PTAR1: variants seen among roughly 807,000 people sequenced by gnomAD.
PTAR1 encodes protein prenyltransferase alpha subunit repeat-containing protein 1.
In PTAR1, 17 loss-of-function variants were observed where a neutral mutation model predicts 45.5. The observed-to-expected ratio is 0.37, with a 90% confidence interval of 0.26 to 0.56. The LOEUF (loss-of-function observed/expected upper bound fraction) is 0.56, where lower values mean the gene tolerates loss of function less well. Among genes scored for constraint, PTAR1 ranks in the 20% least tolerant of loss-of-function variants. PTAR1 has a pLI of 0.77. For missense variants in PTAR1, 391 were observed against 476.3 expected (o/e 0.82, Z 1.67); for synonymous variants, 169 against 171.3 (o/e 0.99, Z 0.11).
Position 69,715,396 on chromosome 9 carries a change from G to T in PTAR1, c.*2946C>A, listed in dbSNP as rs1231585931. The T allele has an allele frequency of 6.6e-6, 1 of 151,930 alleles. No individual in the cohort carries two copies. Among genetic ancestry groups the T allele is most frequent in the Admixed American group, 6.6e-5 (1 of 15,228 alleles). 9.4% of individuals were successfully genotyped at this position (151,930 alleles called of 1,614,324 possible). On this transcript the variant is annotated 3_prime_UTR_variant, in exon 8 of 8. Coordinates refer to ENST00000340434, the MANE Select transcript of PTAR1 (RefSeq NM_001099666.2). The stretch of plus-strand genomic sequence containing the variant: ...CATTAATTTAATAAATATTTAATGA[G>T]TCCTCACAATGTGCAGGGCACAAGT...
chr9:69,728,768 T>C (rs536806219), intron 5 of PTAR1, among the ~76,000 whole-genome samples: 3 of 152,342 alleles, frequency 2.0e-5, no homozygotes, highest in South Asian at 2.1e-4. Flanking sequence ...TATTTAAGCA[T>C]GCAGACATCA....
chr9:69,724,585 G>A (rs73647272), intron 5 of PTAR1, among the ~76,000 whole-genome samples: 4,757 of 151,718 alleles, frequency 0.031, 249 homozygotes, highest in African/African-American at 0.11. Context: ...GCCTTCTCCT[G>A]TACCATGATC....
At chr9:69,719,964 C>G (rs1824914324) in intron 6 of PTAR1, among the ~76,000 whole-genome samples, 1 of 152,286 alleles carries the variant, frequency 6.6e-6, no homozygotes, top group Middle Eastern at 3.4e-3. Context: ...CCAACCAGCT[C>G]TTCCCCCATC....
rs1257736840 is a variant in PTAR1 at position 69,713,161 on chromosome 9, C to T, written c.*5181G>A. ...TATATAGCTAATATTCTTGGAAGCA[C>T]AAGGTTTCATCAGCAGACTAAACTA... On this transcript the variant is annotated 3_prime_UTR_variant, in exon 8 of 8. Coordinates refer to ENST00000340434, the MANE Select transcript of PTAR1 (RefSeq NM_001099666.2). The T allele has an allele frequency of 6.6e-6, 1 of 152,062 alleles. No homozygotes were observed. The allele number at this position is 152,062 out of a possible 1,614,324, so 9.4% of individuals were successfully genotyped here.
Position 69,718,534 on chromosome 9 carries a change from A to C in PTAR1, c.1017T>G (p.Asp339Glu), listed in dbSNP as rs776629685. 2 of 1,613,730 alleles carry C rather than the reference A, an allele frequency of 1.2e-6. No individual in the cohort carries two copies. Among genetic ancestry groups the C allele is most frequent in the East Asian group, 4.5e-5 (2 of 44,870 alleles). The change falls in exon 8 of 8, where the codon GAT becomes GAG. Residue 339 changes from aspartate to glutamate, a missense_variant. Around this residue, in one of 5 missense-constraint regions of PTAR1, gnomAD observed 181 missense variants for 227.7 expected, o/e 0.80. Coordinates refer to ENST00000340434, the MANE Select transcript of PTAR1 (RefSeq NM_001099666.2). ...CTTGCTTGCTAGAGTCATTCAGTCC[A>C]TCTACTTCCATTGCTTGAGACAGCT... Reference protein sequence around the residue: ...GSQLSQAMEVDGLNDSSKQGY... With the variant: ...GSQLSQAMEVEGLNDSSKQGY...
chr9:69,735,883 T>C (rs1463341190), intron 3 of PTAR1, among the ~76,000 whole-genome samples: 1 of 150,824 alleles, frequency 6.6e-6, no homozygotes, highest in Admixed American at 6.6e-5. Context: ...AAAGTTTTAT[T>C]TGATAAAGAA....
At chr9:69,755,272 G>A (rs960101126) in intron 1 of PTAR1, among the ~76,000 whole-genome samples, 1 of 152,152 alleles carries the variant, frequency 6.6e-6, no homozygotes, top group Non-Finnish European at 1.5e-5. Flanking sequence ...AATGTGGAAC[G>A]AACCAGCACA....
intron 6 of PTAR1, among the ~76,000 whole-genome samples, chr9:69,719,120 G>A (rs1182392356): frequency 1.3e-5 from 2 of 152,148 alleles, no homozygotes; most frequent in Non-Finnish European, 2.9e-5. Context: ...TTCCTTTAGA[G>A]GCTTAATCTG....
At chr9:69,726,588 G>A (rs1386377606) in intron 5 of PTAR1, among the ~76,000 whole-genome samples, 1 of 151,936 alleles carries the variant, frequency 6.6e-6, no homozygotes, top group East Asian at 1.9e-4. Context: ...CCTATTGGAA[G>A]TACATGTTAA....
intron 1 of PTAR1, among the ~76,000 whole-genome samples, chr9:69,752,057 T>C (rs1448673543): frequency 6.6e-6 from 1 of 152,098 alleles, no homozygotes; most frequent in Admixed American, 6.6e-5. Context: ...GTTTAATTAA[T>C]GAATAACAAG....
intron 1 of PTAR1, among the ~76,000 whole-genome samples, chr9:69,754,722 A>ATAT (rs1554719234): frequency 1.3e-4 from 19 of 141,238 alleles, no homozygotes; most frequent in African/African-American, 4.6e-4. Flanking sequence ...ATATATATAT[A>ATAT]TTTTTTTTTT....
chr9:69,739,415 CT>C (rs1350015474), intron 3 of PTAR1, among the ~76,000 whole-genome samples: 1 of 148,260 alleles, frequency 6.7e-6, no homozygotes, highest in Non-Finnish European at 1.5e-5. Flanking sequence ...AAGCAGTTTT[CT>C]TTAAAAAAAA....
At position 69,710,973 on chromosome 9, in the gene PTAR1, A is replaced by G. The variant is rs1564117689; in HGVS notation, c.*7369T>C. The G allele has an allele frequency of 6.6e-6, 1 of 152,220 alleles. No homozygotes were observed. The highest frequency in any genetic ancestry group is 1.5e-5 in the Non-Finnish European group (1 of 68,034). 9.4% of individuals were successfully genotyped at this position (152,220 alleles called of 1,614,324 possible). A position where few individuals can be genotyped will look rare whatever the true frequency, so the allele number is the denominator to read the frequency against. ...TATAGTAGCTGAGAACTTCTTTTAA[A>G]TGAAAGCTCCTCCATGTTAAATTAT... is the stretch of plus-strand genomic sequence containing the variant. On this transcript the variant is annotated 3_prime_UTR_variant, in exon 8 of 8. Coordinates refer to ENST00000340434, the MANE Select transcript of PTAR1 (RefSeq NM_001099666.2).
At chr9:69,741,562 A>T in intron 3 of PTAR1, 2 of 522,720 alleles carry the variant, frequency 3.8e-6, no homozygotes, top group Non-Finnish European at 3.4e-6. Flanking sequence ...ATCAAACAGT[A>T]TACTGTAACT....
intron 3 of PTAR1, 28 bp downstream of exon 3, chr9:69,741,764 T>C (rs1396732866): frequency 2.1e-5 from 31 of 1,509,846 alleles, no homozygotes; most frequent in Non-Finnish European, 2.6e-5. Flanking sequence ...GGACAAACTT[T>C]ATCATATCAC....
At chr9:69,737,089 A>ATT (rs74313970) in intron 3 of PTAR1, among the ~76,000 whole-genome samples, 1 of 151,018 alleles carries the variant, frequency 6.6e-6, no homozygotes, top group Non-Finnish European at 1.5e-5. Context: ...AGTGCTATAT[A>ATT]TTTTTTTTTA....
chr9:69,746,091 T>G (rs929730296), intron 2 of PTAR1, among the ~76,000 whole-genome samples: 3 of 152,176 alleles, frequency 2.0e-5, no homozygotes, highest in Non-Finnish European at 2.9e-5. Flanking sequence ...CTGCTAAAAC[T>G]TCCTCATTCA....
intron 2 of PTAR1, among the ~76,000 whole-genome samples, chr9:69,747,511 A>C (rs560569572): frequency 6.6e-6 from 1 of 152,244 alleles, no homozygotes; most frequent in East Asian, 1.9e-4. Flanking sequence ...ATAGCTGCTA[A>C]CATAAATGTT....
chr9:69,731,935 A>C (rs975461419), intron 5 of PTAR1: 1 of 583,670 alleles, frequency 1.7e-6, no homozygotes, highest in African/African-American at 1.9e-5. Flanking sequence ...ACTAGCCTTA[A>C]GACTGCCAAA....
Sources: allele counts gnomAD v4.1 joint callset (sites outside exome capture counted in the v4.1 genomes callset), GRCh38; gene constraint gnomAD v4.1.1; regional missense constraint gnomAD v4.1.1; transcripts MANE v1.5; gene names NCBI Gene and HGNC (gene_info 2026-07-23, HGNC 2026-07-21).